The following SND1 variants were observed in gnomAD, a reference collection of about 807,000 sequenced individuals.
SND1 encodes staphylococcal nuclease and tudor domain containing 1.
Under a neutral mutation model 121.7 loss-of-function variants are expected in SND1, and 38 were observed. The ratio of observed to expected loss-of-function variants is 0.31; its 90% CI spans 0.24 to 0.41. The LOEUF is 0.41. SND1 is among the 10% of genes least tolerant of loss of function. The pLI is 1.00. For missense variants in SND1, 868 were observed against 1,184.6 expected, an observed-to-expected ratio of 0.73 and a Z score of 3.92; for synonymous variants, 401 against 447.4, an observed-to-expected ratio of 0.90 and a Z score of 1.31.
intron 10 of SND1, among the ~76,000 whole-genome samples, chr7:127,737,157 G>A (rs1291491344): frequency 2.0e-5 from 3 of 152,240 alleles, no homozygotes; most frequent in Non-Finnish European, 4.4e-5. Flanking sequence ...CCCTGACCTT[G>A]AGGAGGATGA....
At chr7:127,678,139 G>C (rs543745967) in intron 1 of SND1, among the ~76,000 whole-genome samples, 1 of 152,274 alleles carries the variant, frequency 6.6e-6, no homozygotes, top group East Asian at 1.9e-4. Flanking sequence ...ACAGAAATCA[G>C]CTCCCAAATG....
chr7:127,866,157 C>T (rs969273824), intron 12 of SND1, among the ~76,000 whole-genome samples: 1 of 152,120 alleles, frequency 6.6e-6, no homozygotes, highest in Non-Finnish European at 1.5e-5. Flanking sequence ...CTTTTCATAT[C>T]GGCCAGACAT....
At chr7:127,693,794 C>T (rs149292384) in intron 2 of SND1, among the ~76,000 whole-genome samples, 43 of 152,280 alleles carry the variant, frequency 2.8e-4, no homozygotes, top group Middle Eastern at 6.8e-3. Context: ...ACACCTACCC[C>T]ATCCCTCCCC....
chr7:127,754,679 G>A lies in SND1; in HGVS notation c.1152+33279G>A, dbSNP rs148092682. 4.6e-3 allele frequency among the ~76,000 whole-genome samples: 706 copies of A among 152,332 alleles called. 6 individuals are homozygous for A. The highest frequency in any genetic ancestry group is 0.016 in the African/African-American group (673 of 41,572). ...CAGGGAAGGGTACTGAACACTACAT[G>A]GCCAAGACCAGCAGTGGGTTGGGAG... is the stretch of plus-strand genomic sequence containing the variant. On this transcript the variant is annotated intron_variant, in intron 10 of 23. Coordinates refer to ENST00000354725, the MANE Select transcript of SND1 (RefSeq NM_014390.4).
rs1801871633 is a variant in SND1 at position 127,967,156 on chromosome 7, T to A, written c.1670-23791T>A. On this transcript the variant is annotated intron_variant, in intron 15 of 23. Coordinates refer to ENST00000354725, the MANE Select transcript of SND1 (RefSeq NM_014390.4). ...CAGTGGGTGTTGCACAGTCATTAGA[T>A]CTGTTGGTTGGTTGGTGAGAGTGCT... Among the ~76,000 whole-genome samples, 10 of 152,224 alleles carry A rather than the reference T, an allele frequency of 6.6e-5. No individual in the cohort carries two copies. The South Asian group carries it at 2.1e-3, about 32-fold the overall frequency.
chr7:127,773,320 C>T (rs1172348613), intron 10 of SND1, among the ~76,000 whole-genome samples: 4 of 152,004 alleles, frequency 2.6e-5, no homozygotes, highest in Admixed American at 1.3e-4. Flanking sequence ...GGTGTGGTGG[C>T]GCACGCCTGT....
intron 11 of SND1, among the ~76,000 whole-genome samples, chr7:127,824,454 G>A (rs924419586): frequency 6.6e-6 from 1 of 152,140 alleles, no homozygotes; most frequent in African/African-American, 2.4e-5. Context: ...CCACCTCTGT[G>A]GTTTTCCTTC....
intron 10 of SND1, among the ~76,000 whole-genome samples, chr7:127,747,412 T>C (rs1280220940): frequency 2.0e-5 from 3 of 152,192 alleles, no homozygotes; most frequent in Non-Finnish European, 4.4e-5. Flanking sequence ...TTATATTGTT[T>C]TTATTCAAGG....
At chr7:127,854,652 T>TA (rs981989117) in intron 12 of SND1, among the ~76,000 whole-genome samples, 1 of 151,774 alleles carries the variant, frequency 6.6e-6, no homozygotes. Flanking sequence ...ATTATTTATT[T>TA]ATTTATTTAG....
chr7:127,815,698 A>G (rs1164526864), intron 11 of SND1, among the ~76,000 whole-genome samples: 1 of 152,148 alleles, frequency 6.6e-6, no homozygotes, highest in Non-Finnish European at 1.5e-5. Context: ...CTTTAGAGGT[A>G]TAATGATCCT....
intron 16 of SND1, among the ~76,000 whole-genome samples, chr7:128,022,221 A>C (rs1803368840): frequency 6.6e-6 from 1 of 151,268 alleles, no homozygotes; most frequent in African/African-American, 2.4e-5. Context: ...AAAAAAAAAA[A>C]AAAAAAGAAG....
chr7:127,981,701 T>C (rs912801156), intron 15 of SND1, among the ~76,000 whole-genome samples: 1 of 152,200 alleles, frequency 6.6e-6, no homozygotes, highest in Non-Finnish European at 1.5e-5. Flanking sequence ...TAACAATAAA[T>C]CAAATTCAGT....
At chr7:127,898,891 T>C (rs1800169935) in intron 13 of SND1, among the ~76,000 whole-genome samples, 1 of 152,152 alleles carries the variant, frequency 6.6e-6, no homozygotes, top group South Asian at 2.1e-4. Context: ...CAGAGGCCAG[T>C]CTTTAGCTGC....
chr7:127,723,128 G>T (rs1796525294), intron 10 of SND1, among the ~76,000 whole-genome samples: 1 of 152,182 alleles, frequency 6.6e-6, no homozygotes, highest in African/African-American at 2.4e-5. Flanking sequence ...TGAATTTTAA[G>T]CAGTTTTTAG....
chr7:127,910,367 C>T (rs1162662986), intron 14 of SND1, among the ~76,000 whole-genome samples: 1 of 152,052 alleles, frequency 6.6e-6, no homozygotes, highest in Non-Finnish European at 1.5e-5. Context: ...ATTGCTTGAA[C>T]CTGGGAGGCA....
At chr7:127,824,215 C>T (rs1228316794) in intron 11 of SND1, among the ~76,000 whole-genome samples, 5 of 152,120 alleles carry the variant, frequency 3.3e-5, no homozygotes, top group African/African-American at 4.8e-5. Flanking sequence ...ATTGACTGCA[C>T]TAGGTGATAG....
intron 12 of SND1, among the ~76,000 whole-genome samples, chr7:127,880,252 TTC>T (rs1442356750): frequency 6.6e-6 from 1 of 152,168 alleles, no homozygotes; most frequent in Non-Finnish European, 1.5e-5. Flanking sequence ...GTTATAATTG[TTC>T]TGTTTTATTA....
chr7:128,068,381 T>C (rs191627886), intron 16 of SND1, among the ~76,000 whole-genome samples: 1 of 152,200 alleles, frequency 6.6e-6, no homozygotes, highest in Non-Finnish European at 1.5e-5. Context: ...TGGCTTTCAC[T>C]TCTCTTCCTT....
intron 11 of SND1, among the ~76,000 whole-genome samples, chr7:127,825,994 C>A (rs896390981): frequency 6.6e-6 from 1 of 151,962 alleles, no homozygotes; most frequent in African/African-American, 2.4e-5. Flanking sequence ...AGTTTGAGAC[C>A]ACCTGGCCAA....
Sources: allele counts gnomAD v4.1 joint callset (sites outside exome capture counted in the v4.1 genomes callset), GRCh38; gene constraint gnomAD v4.1.1; transcripts MANE v1.5; gene names NCBI Gene and HGNC (gene_info 2026-07-23, HGNC 2026-07-21).